The following HIKESHI variants were observed in gnomAD, a reference collection of about 807,000 sequenced individuals.
The protein encoded by HIKESHI is protein Hikeshi.
HIKESHI carries 13 observed loss-of-function variants against 25.7 expected under a neutral mutation model. That is an observed-to-expected ratio of 0.51 (90% CI 0.33 to 0.80). The LOEUF is 0.80. HIKESHI is among the 30% of genes least tolerant of loss of function. The probability of loss-of-function intolerance (pLI) is 0.02; values close to 1 mark genes in which losing one functional copy is unlikely to be tolerated. For missense variants in HIKESHI, 174 were observed against 229.5 expected (o/e 0.76, Z 1.56); for synonymous variants, 76 against 78.7 (o/e 0.97, Z 0.18).
chr11:86,336,103 T>C lies in HIKESHI; in HGVS notation c.269-1276T>C, dbSNP rs1014567485. 4.6e-5 allele frequency among the ~76,000 whole-genome samples: 7 copies of C among 152,178 alleles called. No homozygotes were observed. In the East Asian group the frequency reaches 1.3e-3, roughly 29 times the overall value. On this transcript the variant is annotated intron_variant, in intron 2 of 4. Transcript: ENST00000278483. ...ATAGCTGAAAAGTACAGTAACTGAA[T>C]GGTTCACTAAAGGGCTTAGATAGCA...
chr11:86,333,560 A>AC (rs1002325831), intron 2 of HIKESHI, among the ~76,000 whole-genome samples: 3 of 151,406 alleles, frequency 2.0e-5, no homozygotes, highest in Non-Finnish European at 2.9e-5. Flanking sequence ...AAACAAACAA[A>AC]AAAAAAAAAG....
At chr11:86,326,659 C>G in intron 2 of HIKESHI, 1 of 400,390 alleles carries the variant, frequency 2.5e-6, no homozygotes, top group South Asian at 1.8e-5. Flanking sequence ...TAGACTGGAG[C>G]ATGAACTTGA....
intron 2 of HIKESHI, among the ~76,000 whole-genome samples, chr11:86,326,312 A>G (rs1458906923): frequency 2.6e-5 from 4 of 152,208 alleles, no homozygotes; most frequent in African/African-American, 4.8e-5. Context: ...TAATAAATAA[A>G]TAAATAAAAA....
chr11:86,336,163 C>T (rs1195373032), intron 2 of HIKESHI, among the ~76,000 whole-genome samples: 3 of 152,088 alleles, frequency 2.0e-5, no homozygotes, highest in Non-Finnish European at 4.4e-5. Context: ...TCAGTGAAGT[C>T]GAAGATAAAT....
intron 2 of HIKESHI, among the ~76,000 whole-genome samples, chr11:86,328,425 A>G (rs1947338409): frequency 6.9e-6 from 1 of 145,106 alleles, no homozygotes; most frequent in South Asian, 2.2e-4. Flanking sequence ...TGCGCAGCTA[A>G]TGTTTTTTGT....
At chr11:86,341,304 G>A (rs1947721035) in intron 3 of HIKESHI, among the ~76,000 whole-genome samples, 1 of 151,746 alleles carries the variant, frequency 6.6e-6, no homozygotes, top group Non-Finnish European at 1.5e-5. Flanking sequence ...GCTATGTGTG[G>A]TACAACGATT....
At chr11:86,339,809 A>G (rs1360343093) in intron 3 of HIKESHI, among the ~76,000 whole-genome samples, 1 of 152,124 alleles carries the variant, frequency 6.6e-6, no homozygotes, top group African/African-American at 2.4e-5. Context: ...GGTTTGTTAC[A>G]TATGTATATA....
intron 2 of HIKESHI, among the ~76,000 whole-genome samples, chr11:86,328,997 TA>T (rs1189043973): frequency 2.0e-5 from 3 of 151,892 alleles, no homozygotes; most frequent in Non-Finnish European, 4.4e-5. Flanking sequence ...TACTTAATAT[TA>T]CCTCATAATG....
chr11:86,338,926 TAAAAC>T (rs1947643661), intron 3 of HIKESHI, among the ~76,000 whole-genome samples: 1 of 152,228 alleles, frequency 6.6e-6, no homozygotes, highest in Non-Finnish European at 1.5e-5. Context: ...GTTTTTAAAA[TAAAAC>T]TATAGTTTTA....
intron 2 of HIKESHI, among the ~76,000 whole-genome samples, chr11:86,331,739 G>C (rs1246835446): frequency 6.6e-6 from 1 of 152,092 alleles, no homozygotes; most frequent in East Asian, 1.9e-4. Flanking sequence ...ATAAGCCTTT[G>C]AGAGTCACAT....
intron 3 of HIKESHI, among the ~76,000 whole-genome samples, chr11:86,338,098 C>G (rs900785235): frequency 6.6e-6 from 1 of 152,186 alleles, no homozygotes; most frequent in African/African-American, 2.4e-5. Context: ...ATTCTCCATG[C>G]TGTACAATAG....
Position 86,306,344 on chromosome 11 carries a change from A to G in HIKESHI, c.130A>G (p.Ile44Val), listed in dbSNP as rs145991257. The G allele has an allele frequency of 3.3e-4, 527 of 1,613,780 alleles. 2 individuals carry two copies. In the African/African-American group the frequency reaches 6.4e-3, roughly 20 times the overall value. ...TGTTGTGGTTTTTATGCTGGGAACA[A>G]TCCCATTTCCTGAGGGAATGGGAGG... is the stretch of plus-strand genomic sequence containing the variant. ...NHVVVFMLGT[I>V]PFPEGMGGSV... Residue 44 changes from isoleucine to valine, a missense_variant, in exon 2 of 5, where the codon ATC (isoleucine) becomes GTC (valine). Coordinates refer to ENST00000278483, the MANE Select transcript of HIKESHI (RefSeq NM_016401.4).
intron 2 of HIKESHI, among the ~76,000 whole-genome samples, chr11:86,319,236 A>AT (rs1279354045): frequency 2.5e-4 from 21 of 82,984 alleles, no homozygotes; most frequent in East Asian, 1.1e-3. Context: ...ATATATATAT[A>AT]TATATATTTT....
At chr11:86,312,061 A>G (rs1041785605) in intron 2 of HIKESHI, among the ~76,000 whole-genome samples, 1 of 152,168 alleles carries the variant, frequency 6.6e-6, no homozygotes, top group Non-Finnish European at 1.5e-5. Context: ...AGAGTTCTGT[A>G]GATGTCTATT....
chr11:86,343,976 GA>G (rs1045716269), intron 3 of HIKESHI: 2 of 152,228 alleles, frequency 1.3e-5, no homozygotes, highest in African/African-American at 4.8e-5. Flanking sequence ...GTATGTTAGT[GA>G]ATTTGATCAT....
chr11:86,306,882 C>T (rs1946639670), intron 2 of HIKESHI, among the ~76,000 whole-genome samples: 1 of 151,162 alleles, frequency 6.6e-6, no homozygotes, highest in Admixed American at 6.6e-5. Flanking sequence ...CGCCTGTAGT[C>T]CCAACTACTC....
At chr11:86,330,868 TCAGA>T (rs548841454) in intron 2 of HIKESHI, among the ~76,000 whole-genome samples, 113 of 152,344 alleles carry the variant, frequency 7.4e-4, no homozygotes, top group African/African-American at 2.4e-3. Context: ...TTTTCAGTAT[TCAGA>T]CAGTCAACTG....
intron 2 of HIKESHI, among the ~76,000 whole-genome samples, chr11:86,329,675 T>C (rs1054323209): frequency 6.6e-6 from 1 of 151,962 alleles, no homozygotes; most frequent in African/African-American, 2.4e-5. Flanking sequence ...CATAAATGCA[T>C]AACAATGGTT....
At chr11:86,326,755 C>G (rs1947292448) in intron 2 of HIKESHI, 2 of 319,890 alleles carry the variant, frequency 6.3e-6, no homozygotes, top group Admixed American at 8.2e-5. Flanking sequence ...TAGAAATATG[C>G]AGTGCATCTT....
Sources: allele counts gnomAD v4.1 joint callset (sites outside exome capture counted in the v4.1 genomes callset), GRCh38; gene constraint gnomAD v4.1.1; transcripts MANE v1.5; gene names NCBI Gene and HGNC (gene_info 2026-07-23, HGNC 2026-07-21).